TAFA1: variants seen among roughly 807,000 people sequenced by gnomAD.
TAFA1 encodes chemokine-like protein TAFA-1.
In TAFA1, 4 loss-of-function variants were observed where a neutral mutation model predicts 18.5. The observed-to-expected ratio is 0.22, with a 90% CI of 0.11 to 0.49. The LOEUF (loss-of-function observed/expected upper bound fraction) is 0.49, where lower values mean the gene tolerates loss of function less well. TAFA1 is among the 20% of genes least tolerant of loss of function. The pLI, the probability that TAFA1 is intolerant of heterozygous loss-of-function variation, is 0.98. For synonymous variants in TAFA1, 56 were observed against 55.2 expected (o/e 1.01, Z -0.06); for missense variants, 147 against 169.0 (o/e 0.87, Z 0.72).
At chr3:68,040,766 C>T (rs1705146309) in intron 2 of TAFA1, among the ~76,000 whole-genome samples, 1 of 152,170 alleles carries the variant, frequency 6.6e-6, no homozygotes, top group Admixed American at 6.5e-5. Context: ...AAAAGCCCTT[C>T]AGGAGATTTT....
At position 68,154,519 on chromosome 3, in the gene TAFA1, A is replaced by C. The variant is rs143613541; in HGVS notation, c.118+147775A>C. On this transcript the variant is annotated intron_variant, in intron 2 of 4. Coordinates refer to ENST00000478136, the MANE Select transcript of TAFA1 (RefSeq NM_213609.4). ...GCAAAGTGGAGCCTCTTTAGCTTAT[A>C]ATATTGCAGCTGGCAATCCTCATGT... Among the ~76,000 whole-genome samples, 12 of 152,328 alleles carry C rather than the reference A, an allele frequency of 7.9e-5. No individual in the cohort carries two copies. In the East Asian group the frequency reaches 2.3e-3, roughly 29 times the overall value.
chr3:68,352,617 G>A (rs1214449682), intron 2 of TAFA1, among the ~76,000 whole-genome samples: 1 of 152,006 alleles, frequency 6.6e-6, no homozygotes, highest in Non-Finnish European at 1.5e-5. Context: ...TCCTTTGTTT[G>A]CTGCTGCCTA....
chr3:68,177,884 C>T (rs1157882499), intron 2 of TAFA1, among the ~76,000 whole-genome samples: 1 of 152,170 alleles, frequency 6.6e-6, no homozygotes, highest in Non-Finnish European at 1.5e-5. Flanking sequence ...GTGGCTCACG[C>T]CTGTAATCCC....
chr3:68,434,927 A>G (rs1207919647), intron 3 of TAFA1, among the ~76,000 whole-genome samples: 3 of 152,154 alleles, frequency 2.0e-5, no homozygotes, highest in Non-Finnish European at 4.4e-5. Context: ...GCAAATACTT[A>G]CTAACACTCT....
At chr3:68,384,055 T>C (rs1189910286) in intron 2 of TAFA1, among the ~76,000 whole-genome samples, 2 of 152,100 alleles carry the variant, frequency 1.3e-5, no homozygotes, top group Non-Finnish European at 1.5e-5. Flanking sequence ...TTGTATTTAT[T>C]TGGATCCTCT....
chr3:68,443,487 A>C (rs74677055), intron 3 of TAFA1, among the ~76,000 whole-genome samples: 51 of 151,658 alleles, frequency 3.4e-4, no homozygotes, highest in African/African-American at 8.4e-4. Context: ...AAAAAAAAAA[A>C]AAAAAAAAAC....
chr3:68,327,118 G>A (rs879354764), intron 2 of TAFA1, among the ~76,000 whole-genome samples: 1 of 152,146 alleles, frequency 6.6e-6, no homozygotes, highest in Non-Finnish European at 1.5e-5. Context: ...AAACTCTCAT[G>A]CCTGCCACCA....
chr3:68,116,796 C>T (rs895107599), intron 2 of TAFA1, among the ~76,000 whole-genome samples: 5 of 152,272 alleles, frequency 3.3e-5, no homozygotes, highest in African/African-American at 1.2e-4. Context: ...CAACTATGAC[C>T]TTTGGGCCAA....
At chr3:68,413,762 G>A (rs1432667715) in intron 2 of TAFA1, among the ~76,000 whole-genome samples, 1 of 151,982 alleles carries the variant, frequency 6.6e-6, no homozygotes, top group East Asian at 1.9e-4. Context: ...GGGGTGAGGG[G>A]ACATAAAGCA....
At chr3:68,533,049 T>C (rs1300240186) in intron 3 of TAFA1, among the ~76,000 whole-genome samples, 1 of 150,602 alleles carries the variant, frequency 6.6e-6, no homozygotes, top group Non-Finnish European at 1.5e-5. Flanking sequence ...GCTTCAGTAT[T>C]TAAAGGGGAA....
Position 68,194,795 on chromosome 3 carries a change from T to C in TAFA1, c.118+188051T>C, listed in dbSNP as rs111709696. ...AGTTTCCTTATCTTTAAAATGGCAG[T>C]GACATCAGTAGCTGTCTCATAGGGT... On this transcript the variant is annotated intron_variant, in intron 2 of 4. Transcript: ENST00000478136. Among the ~76,000 whole-genome samples the C allele has an allele frequency of 3.4e-3, 519 of 151,874 alleles. 2 individuals are homozygous for C. Among genetic ancestry groups the C allele is most frequent in the African/African-American group, 0.011 (441 of 41,510 alleles).
chr3:68,178,413 T>C (rs769321140), intron 2 of TAFA1, among the ~76,000 whole-genome samples: 5 of 152,116 alleles, frequency 3.3e-5, no homozygotes, highest in Admixed American at 6.5e-5. Flanking sequence ...AAAAACGTTA[T>C]CAAAGAAGTA....
intron 2 of TAFA1, among the ~76,000 whole-genome samples, chr3:68,027,773 C>G (rs1418437396): frequency 1.3e-5 from 2 of 152,166 alleles, no homozygotes; most frequent in Non-Finnish European, 2.9e-5. Flanking sequence ...TTTCTGTCAT[C>G]TAATATATTA....
intron 3 of TAFA1, among the ~76,000 whole-genome samples, chr3:68,454,841 T>C (rs966202412): frequency 6.6e-6 from 1 of 152,188 alleles, no homozygotes; most frequent in African/African-American, 2.4e-5. Flanking sequence ...GGAATCTGCA[T>C]TTTTTATTTG....
At chr3:68,120,243 TTC>T (rs2065381548) in intron 2 of TAFA1, among the ~76,000 whole-genome samples, 2 of 132,442 alleles carry the variant, frequency 1.5e-5, no homozygotes, top group African/African-American at 5.9e-5. Flanking sequence ...CTTTCTTTCT[TTC>T]TTTCTTTCTT....
intron 2 of TAFA1, chr3:68,192,658 T>C (rs4855497): frequency 0.66 from 100,486 of 151,642 alleles, 34,029 homozygotes; most frequent in South Asian, 0.78. Context: ...ATTTATCCAT[T>C]GATCTTGAAA....
At chr3:68,292,104 T>C (rs979292290) in intron 2 of TAFA1, among the ~76,000 whole-genome samples, 1 of 152,178 alleles carries the variant, frequency 6.6e-6, no homozygotes, top group African/African-American at 2.4e-5. Context: ...TAGACATCAA[T>C]TATGCTTTTC....
chr3:68,262,324 TATATATATATATATATATA>T (rs2067445900), intron 2 of TAFA1, among the ~76,000 whole-genome samples: 1 of 67,170 alleles, frequency 1.5e-5, no homozygotes, highest in African/African-American at 5.9e-5. Context: ...TATATATATA[TATATATATATATATATATA>T]TATATATATA....
At chr3:68,459,680 T>C (rs1203459195) in intron 3 of TAFA1, among the ~76,000 whole-genome samples, 5 of 152,198 alleles carry the variant, frequency 3.3e-5, no homozygotes, top group Non-Finnish European at 5.9e-5. Flanking sequence ...AAACGAATGA[T>C]AAAATCAATA....
Sources: gnomAD v4.1 joint callset for allele counts (sites outside exome capture counted in the v4.1 genomes callset) on GRCh38, gnomAD v4.1.1 for gene constraint, MANE v1.5 for transcripts, NCBI Gene and HGNC (gene_info 2026-07-23, HGNC 2026-07-21) for gene names.